MARCHF8: variants seen among roughly 807,000 people sequenced by gnomAD.
MARCHF8 encodes the protein membrane associated ring-CH-type finger 8.
MARCHF8 carries 40 observed loss-of-function variants against 51.6 expected under a neutral mutation model. The observed-to-expected ratio is 0.77, with a 90% CI of 0.60 to 1.01. The LOEUF (loss-of-function observed/expected upper bound fraction) is 1.01, where lower values mean the gene tolerates loss of function less well. MARCHF8 is among the 50% of genes least tolerant of loss of function. MARCHF8 has a pLI of 0.00. For synonymous variants in MARCHF8, 263 were observed against 280.3 expected, an observed-to-expected ratio of 0.94 and a Z score of 0.62; for missense variants, 685 against 708.6, an observed-to-expected ratio of 0.97 and a Z score of 0.38.
chr10:45,464,626 A>C (rs920977605), intron 3 of MARCHF8, among the ~76,000 whole-genome samples: 1 of 152,238 alleles, frequency 6.6e-6, no homozygotes, highest in Non-Finnish European at 1.5e-5. Flanking sequence ...TTCATATATA[A>C]GTCAAAAAAC....
At chr10:45,479,497 T>C (rs182711959) in intron 3 of MARCHF8, among the ~76,000 whole-genome samples, 9 of 152,316 alleles carry the variant, frequency 5.9e-5, no homozygotes, top group Admixed American at 1.3e-4. Flanking sequence ...TCATCTTCAA[T>C]TGTGGCTCCC....
Position 45,463,402 on chromosome 10 carries a change from C to T in MARCHF8, c.837G>A (p.Glu279=). 6.4e-7 allele frequency: 1 copy of T among 1,550,676 alleles called. No homozygotes were observed. Among genetic ancestry groups the T allele is most frequent in the East Asian group, 2.4e-5 (1 of 40,928 alleles). ...GCAGGCGAGCAGCGCAGCTCTCCAG[C>T]TCATGGAACCTGTGCAGGCTGCTGG... is the stretch of plus-strand genomic sequence containing the variant. ...LSASSLHRFH[E]LESCAARLHT... The change falls in exon 5 of 8, where the codon GAG becomes GAA. Residue 279 remains glutamate, a synonymous_variant. Transcript: ENST00000453424.
chr10:45,466,030 G>A (rs371044015), intron 3 of MARCHF8, among the ~76,000 whole-genome samples: 9 of 152,078 alleles, frequency 5.9e-5, no homozygotes, highest in African/African-American at 2.2e-4. Flanking sequence ...CATCTTCTAG[G>A]CCTGACTGCA....
chr10:45,496,718 CTA>C (rs2043180994), intron 2 of MARCHF8, among the ~76,000 whole-genome samples: 1 of 151,882 alleles, frequency 6.6e-6, no homozygotes, highest in Admixed American at 6.6e-5. Flanking sequence ...AGGAATCATT[CTA>C]TGTCTTACAG....
At chr10:45,569,967 G>C (rs1162433642) in intron 1 of MARCHF8, among the ~76,000 whole-genome samples, 1 of 152,042 alleles carries the variant, frequency 6.6e-6, no homozygotes. Flanking sequence ...ACTAATAATA[G>C]AGTGAAAAGC....
At chr10:45,557,116 CTTTTTTTTTTTTTTT>C (rs58172142) in intron 1 of MARCHF8, among the ~76,000 whole-genome samples, 2 of 66,218 alleles carry the variant, frequency 3.0e-5, no homozygotes, top group Non-Finnish European at 5.6e-5. Flanking sequence ...GGTGCCTATT[CTTTTTTTTTTTTTTT>C]TTTTTTTTTT....
chr10:45,558,551 G>A (rs77697930), intron 1 of MARCHF8, among the ~76,000 whole-genome samples: 3,601 of 152,312 alleles, frequency 0.024, 142 homozygotes, highest in African/African-American at 0.08. Flanking sequence ...TGACAGCAGC[G>A]TGGGTAACAA....
intron 2 of MARCHF8, among the ~76,000 whole-genome samples, chr10:45,499,870 C>T (rs1228995051): frequency 1.3e-5 from 2 of 152,276 alleles, no homozygotes; most frequent in East Asian, 3.9e-4. Context: ...GGGAGCATCA[C>T]ACCATCACTT....
chr10:45,476,791 A>G (rs2042794432), intron 3 of MARCHF8, among the ~76,000 whole-genome samples: 1 of 152,200 alleles, frequency 6.6e-6, no homozygotes, highest in Non-Finnish European at 1.5e-5. Flanking sequence ...GTCTTTTGAA[A>G]TAATCCAGTA....
chr10:45,519,695 G>A (rs1005920506), intron 2 of MARCHF8, among the ~76,000 whole-genome samples: 2 of 152,076 alleles, frequency 1.3e-5, no homozygotes, highest in African/African-American at 4.8e-5. Context: ...TGTAAAAACC[G>A]TTTTTAGCTG....
chr10:45,585,249 G>A (rs2044606010), intron 1 of MARCHF8, among the ~76,000 whole-genome samples: 1 of 152,074 alleles, frequency 6.6e-6, no homozygotes, highest in South Asian at 2.1e-4. Context: ...CATACACAAA[G>A]AGAAACTCTT....
chr10:45,459,587 C>T (rs927035773), intron 6 of MARCHF8, among the ~76,000 whole-genome samples: 3 of 152,204 alleles, frequency 2.0e-5, no homozygotes, highest in Non-Finnish European at 2.9e-5. Context: ...CTAATGAAAA[C>T]AGTATGTTGG....
At chr10:45,465,844 C>T (rs1383530065) in intron 3 of MARCHF8, among the ~76,000 whole-genome samples, 1 of 152,234 alleles carries the variant, frequency 6.6e-6, no homozygotes, top group Non-Finnish European at 1.5e-5. Context: ...GCATGAGGTA[C>T]ACGGTCTTTA....
chr10:45,525,716 C>T (rs1201902742), intron 2 of MARCHF8, among the ~76,000 whole-genome samples: 1 of 152,168 alleles, frequency 6.6e-6, no homozygotes, highest in Non-Finnish European at 1.5e-5. Flanking sequence ...ATAGTATACT[C>T]GATCTGTTGT....
chr10:45,490,232 G>C (rs907986497), intron 2 of MARCHF8, among the ~76,000 whole-genome samples: 1 of 152,114 alleles, frequency 6.6e-6, no homozygotes, highest in Admixed American at 6.5e-5. Flanking sequence ...TTTAGATGTT[G>C]ATGTCCTAAA....
chr10:45,541,545 T>C (rs1209478510), intron 1 of MARCHF8, among the ~76,000 whole-genome samples: 8 of 152,114 alleles, frequency 5.3e-5, no homozygotes, highest in Non-Finnish European at 2.9e-5. Context: ...GTTGTGCACA[T>C]GTACCCTAAA....
At chr10:45,557,116 C>CTTTT (rs58172142) in intron 1 of MARCHF8, among the ~76,000 whole-genome samples, 4 of 66,218 alleles carry the variant, frequency 6.0e-5, no homozygotes, top group East Asian at 4.8e-4. Flanking sequence ...GGTGCCTATT[C>CTTTT]TTTTTTTTTT....
intron 3 of MARCHF8, among the ~76,000 whole-genome samples, chr10:45,469,738 G>A (rs1283388557): frequency 3.3e-5 from 5 of 151,730 alleles, no homozygotes; most frequent in South Asian, 4.2e-4. Flanking sequence ...GGTGGCGGGC[G>A]CCTGTAGTCC....
intron 1 of MARCHF8, among the ~76,000 whole-genome samples, chr10:45,580,503 C>T (rs571177180): frequency 1.3e-5 from 2 of 152,266 alleles, no homozygotes; most frequent in South Asian, 2.1e-4. Context: ...TTTCTTGAGG[C>T]CATGGCACCA....
Sources: allele counts gnomAD v4.1 joint callset (sites outside exome capture counted in the v4.1 genomes callset), GRCh38; gene constraint gnomAD v4.1.1; transcripts MANE v1.5; gene names NCBI Gene and HGNC (gene_info 2026-07-23, HGNC 2026-07-21).